The following HHLA2 variants were observed in gnomAD, a reference collection of about 807,000 sequenced individuals.
The protein encoded by HHLA2 is HERV-H LTR-associating protein 2.
A neutral mutation model predicts 45.9 loss-of-function variants in HHLA2; 48 were observed. The ratio of observed to expected loss-of-function variants is 1.05; its 90% CI spans 0.83 to 1.33. The LOEUF (loss-of-function observed/expected upper bound fraction) is 1.33. Ranked by LOEUF, HHLA2 falls within the 40% of genes most tolerant of loss-of-function variation. HHLA2 has a pLI of 0.00. For missense variants in HHLA2, 462 were observed against 494.3 expected (o/e 0.93, Z 0.62); for synonymous variants, 161 against 173.9 (o/e 0.93, Z 0.59).
chr3:108,313,006 T>G (rs1231077849), intron 2 of HHLA2, among the ~76,000 whole-genome samples: 3 of 152,026 alleles, frequency 2.0e-5, no homozygotes, highest in African/African-American at 7.2e-5. Flanking sequence ...ATTTTGAAAT[T>G]AAGGAGAAAA....
chr3:108,319,375 C>A (rs1294674819), intron 2 of HHLA2, among the ~76,000 whole-genome samples: 1 of 152,172 alleles, frequency 6.6e-6, no homozygotes, highest in Non-Finnish European at 1.5e-5. Context: ...TTCCTCGACT[C>A]TTTTCAAGTG....
At chr3:108,362,519 C>A in intron 8 of HHLA2, 73 bp downstream of exon 7, 1 of 957,450 alleles carries the variant, frequency 1.0e-6, no homozygotes, top group Non-Finnish European at 1.6e-6. Context: ...GAAATACATG[C>A]CCAAACAGCT....
intron 3 of HHLA2, among the ~76,000 whole-genome samples, chr3:108,335,986 C>T (rs1225035149): frequency 2.0e-5 from 3 of 151,816 alleles, no homozygotes; most frequent in African/African-American, 7.3e-5. Flanking sequence ...TAGTTGCTCT[C>T]ATTATGGAAG....
At chr3:108,342,910 A>G (rs180746840) in intron 3 of HHLA2, among the ~76,000 whole-genome samples, 1 of 152,074 alleles carries the variant, frequency 6.6e-6, no homozygotes, top group Admixed American at 6.5e-5. Context: ...GTTTCCTTCC[A>G]CAGCACCTGG....
In HHLA2 at chr3:108,349,938, G is replaced by T. The variant is rs141585997; in HGVS notation, c.-26-1850G>T. 1.4e-3 allele frequency among the ~76,000 whole-genome samples: 211 copies of T among 152,298 alleles called. 1 individual carries two copies. Among genetic ancestry groups the T allele is most frequent in the African/African-American group, 4.7e-3 (195 of 41,574 alleles). Reference sequence around the variant, plus strand: ...AACCTCTAGCAAGACAATGGACATGGAATGTTTCAGGGTTACGTTAAACAA... The same window carrying T: ...AACCTCTAGCAAGACAATGGACATGTAATGTTTCAGGGTTACGTTAAACAA... On this transcript the variant is annotated intron_variant, in intron 3 of 10. Transcript: ENST00000619531.
At chr3:108,300,511 G>T (rs927385396) in intron 1 of HHLA2, among the ~76,000 whole-genome samples, 1 of 152,166 alleles carries the variant, frequency 6.6e-6, no homozygotes, top group Non-Finnish European at 1.5e-5. Flanking sequence ...GAAAAGCATG[G>T]TTTGCTGGGG....
rs1226431748 is a variant in HHLA2 at position 108,357,975 on chromosome 3, T to A, written c.817T>A (p.Tyr273Asn). 6.2e-7 allele frequency: 1 copy of A among 1,613,814 alleles called. No homozygotes were observed. The highest frequency in any genetic ancestry group is 1.7e-5 in the Admixed American group (1 of 60,008). Residue 273 changes from tyrosine to asparagine, a missense_variant, in exon 7 of 11, where the codon TAC (tyrosine) becomes AAC (asparagine). Tyr to Asn is a moderately radical substitution (Grantham distance 143, BLOSUM62 -2). Transcript: ENST00000619531. ...AAGTGGGACTTTCTCTGTCCTGGCT[T>A]ACTATCTGAGCTCCTCACAAAATAC...
intron 1 of HHLA2, among the ~76,000 whole-genome samples, chr3:108,298,265 C>T (rs896885370): frequency 1.3e-5 from 2 of 152,168 alleles, no homozygotes; most frequent in Non-Finnish European, 1.5e-5. Context: ...TGACCTGACT[C>T]TCCTAGAAAA....
At chr3:108,328,664 A>G (rs1304748395) in intron 3 of HHLA2, among the ~76,000 whole-genome samples, 1 of 152,048 alleles carries the variant, frequency 6.6e-6, no homozygotes, top group African/African-American at 2.4e-5. Flanking sequence ...TAAATTTTGG[A>G]ATTATGGGGG....
At chr3:108,331,807 T>G (rs2107382640) in intron 3 of HHLA2, among the ~76,000 whole-genome samples, 2 of 152,302 alleles carry the variant, frequency 1.3e-5, no homozygotes, top group Admixed American at 1.3e-4. Context: ...TGAGCTAGAA[T>G]AGTCCATTTT....
intron 3 of HHLA2, among the ~76,000 whole-genome samples, chr3:108,337,986 A>G (rs553476949): frequency 5.3e-4 from 80 of 152,250 alleles, no homozygotes; most frequent in African/African-American, 1.9e-3. Flanking sequence ...TTATCAGTGT[A>G]TGGCCTCACC....
At chr3:108,310,000 A>T (rs1325957708) in intron 1 of HHLA2, among the ~76,000 whole-genome samples, 1 of 152,154 alleles carries the variant, frequency 6.6e-6, no homozygotes, top group East Asian at 1.9e-4. Flanking sequence ...TTTGGGTTAT[A>T]ATCTAATATT....
chr3:108,321,735 C>T (rs180741882), intron 2 of HHLA2, among the ~76,000 whole-genome samples: 2 of 151,796 alleles, frequency 1.3e-5, no homozygotes, highest in East Asian at 3.9e-4. Context: ...TGTTTTCTAC[C>T]CTGTTTCCTG....
chr3:108,318,992 T>C lies in HHLA2; in HGVS notation c.-105+8251T>C, dbSNP rs1323051901. ...TCTCCCCAAACACATACAATATCAC[T>C]CACAAGGTAGCTCTAAGTTCTTTGG... On this transcript the variant is annotated intron_variant, in intron 2 of 10. Transcript: ENST00000619531. 2.0e-5 allele frequency among the ~76,000 whole-genome samples: 3 copies of C among 152,304 alleles called. No homozygotes were observed. In the East Asian group the frequency reaches 5.8e-4, roughly 29 times the overall value.
chr3:108,297,114 C>G (rs956812308), intron 1 of HHLA2, among the ~76,000 whole-genome samples: 20 of 152,158 alleles, frequency 1.3e-4, no homozygotes, highest in Non-Finnish European at 2.4e-4. Flanking sequence ...CTAGATATTT[C>G]CACTGTCTCA....
chr3:108,325,188 A>G (rs2081266434), intron 2 of HHLA2, among the ~76,000 whole-genome samples: 1 of 152,284 alleles, frequency 6.6e-6, no homozygotes, highest in South Asian at 2.1e-4. Context: ...ATTCAGTGTC[A>G]TGACCAGACT....
chr3:108,351,714 G>A, intron 3 of HHLA2, 74 bp from the exon 3 acceptor site: 1 of 829,976 alleles, frequency 1.2e-6, no homozygotes, highest in Non-Finnish European at 2.0e-6. Context: ...TTATTTGTAT[G>A]AATGTACCAC....
chr3:108,346,485 A>C (rs1164175822), intron 3 of HHLA2, among the ~76,000 whole-genome samples: 1 of 152,226 alleles, frequency 6.6e-6, no homozygotes, highest in Non-Finnish European at 1.5e-5. Flanking sequence ...GCAGAGGAGA[A>C]TGTAGCAACC....
chr3:108,346,280 T>C (rs1205920550), intron 3 of HHLA2, among the ~76,000 whole-genome samples: 2 of 152,192 alleles, frequency 1.3e-5, no homozygotes, highest in East Asian at 1.9e-4. Flanking sequence ...GAGAGATATT[T>C]TGAGTAAAGA....
Sources: allele counts gnomAD v4.1 joint callset (sites outside exome capture counted in the v4.1 genomes callset), GRCh38; gene constraint gnomAD v4.1.1; transcripts MANE v1.5; gene names NCBI Gene and HGNC (gene_info 2026-07-23, HGNC 2026-07-21).